The following ADAMTS19 variants were observed in gnomAD, a reference collection of about 807,000 sequenced individuals.
The protein encoded by ADAMTS19 is A disintegrin and metalloproteinase with thrombospondin motifs 19.
Under a neutral mutation model 153.3 loss-of-function variants are expected in ADAMTS19, and 93 were observed. That is an observed-to-expected ratio of 0.61 (90% CI 0.51 to 0.72). The LOEUF (loss-of-function observed/expected upper bound fraction) is 0.72, where lower values mean the gene tolerates loss of function less well. ADAMTS19 is among the 30% of genes least tolerant of loss of function. The pLI is 0.00. For synonymous variants in ADAMTS19, 600 were observed against 556.6 expected (o/e 1.08, Z -1.10); for missense variants, 1,482 against 1,552.1 (o/e 0.95, Z 0.76).
Position 129,621,276 on chromosome 5 carries a change from G to A in ADAMTS19, c.1619+518G>A, listed in dbSNP as rs116590829. On this transcript the variant is annotated intron_variant, in intron 9 of 22. Transcript: ENST00000274487. ...CGAAAAGTAAATGAAAAATATTACT[G>A]TTATTCTCATTTTCATTTTAAAGCA... Among the ~76,000 whole-genome samples, 532 of 152,124 alleles carry A rather than the reference G, an allele frequency of 3.5e-3. 2 individuals carry two copies. Among genetic ancestry groups the A allele is most frequent in the African/African-American group, 0.012 (511 of 41,510 alleles).
intron 6 of ADAMTS19, among the ~76,000 whole-genome samples, chr5:129,529,919 C>T (rs1321629153): frequency 6.6e-6 from 1 of 152,058 alleles, no homozygotes; most frequent in Admixed American, 6.6e-5. Flanking sequence ...AATCTTGTGA[C>T]ACCTTATCAA....
At chr5:129,558,361 A>G (rs919988362) in intron 7 of ADAMTS19, among the ~76,000 whole-genome samples, 5 of 152,230 alleles carry the variant, frequency 3.3e-5, no homozygotes, top group African/African-American at 1.2e-4. Flanking sequence ...GCAATAACCA[A>G]TTGCATTTTA....
At chr5:129,663,303 C>T (rs75154311) in intron 15 of ADAMTS19, among the ~76,000 whole-genome samples, 5,567 of 152,230 alleles carry the variant, frequency 0.037, 315 homozygotes, top group African/African-American at 0.13. Flanking sequence ...CACTTATTTC[C>T]ATGCCTTAAC....
chr5:129,508,396 C>A (rs1456262433), intron 2 of ADAMTS19, among the ~76,000 whole-genome samples: 1 of 151,886 alleles, frequency 6.6e-6, no homozygotes, highest in Non-Finnish European at 1.5e-5. Flanking sequence ...GGCTTAGCCT[C>A]AAAATATTAC....
intron 10 of ADAMTS19, among the ~76,000 whole-genome samples, chr5:129,632,354 TATATAG>T (rs1005604577): frequency 3.3e-5 from 5 of 151,960 alleles, no homozygotes; most frequent in Admixed American, 6.6e-5. Context: ...ATGATATATA[TATATAG>T]ATATAGATAT....
At chr5:129,647,133 G>T (rs1352410268) in intron 11 of ADAMTS19, among the ~76,000 whole-genome samples, 1 of 142,542 alleles carries the variant, frequency 7.0e-6, no homozygotes, top group Non-Finnish European at 1.5e-5. Flanking sequence ...TGAAATAACA[G>T]AATTTCAGCA....
chr5:129,579,572 G>T lies in ADAMTS19; in HGVS notation c.1373-16987G>T, dbSNP rs555233105. Among the ~76,000 whole-genome samples the T allele has an allele frequency of 5.3e-5, 8 of 152,228 alleles. No homozygotes were observed. In the South Asian group the frequency reaches 1.7e-3, roughly 32 times the overall value. ...TCTTCTAGGATTTTTATCATTTTAG[G>T]TCTTATGTTTAAGTCTTCAATCTAT... On this transcript the variant is annotated intron_variant, in intron 7 of 22. Coordinates refer to ENST00000274487, the MANE Select transcript of ADAMTS19 (RefSeq NM_133638.6).
At chr5:129,511,741 G>C (rs1364729613) in intron 3 of ADAMTS19, among the ~76,000 whole-genome samples, 2 of 151,796 alleles carry the variant, frequency 1.3e-5, no homozygotes, top group Admixed American at 1.3e-4. Flanking sequence ...TTCGGGATCA[G>C]ACTGCCTGTG....
At chr5:129,675,495 A>G (rs566277075) in intron 16 of ADAMTS19, among the ~76,000 whole-genome samples, 1 of 152,212 alleles carries the variant, frequency 6.6e-6, no homozygotes, top group East Asian at 1.9e-4. Context: ...CTTCAAGTTC[A>G]CAGACTTCTT....
chr5:129,608,562 T>C (rs1027828413), intron 8 of ADAMTS19, among the ~76,000 whole-genome samples: 9 of 152,108 alleles, frequency 5.9e-5, no homozygotes, highest in Non-Finnish European at 1.5e-5. Context: ...TGTGCAGTAG[T>C]ATATCTGCTC....
At chr5:129,702,380 C>T (rs893416995) in intron 20 of ADAMTS19, among the ~76,000 whole-genome samples, 4 of 152,106 alleles carry the variant, frequency 2.6e-5, no homozygotes, top group Non-Finnish European at 5.9e-5. Flanking sequence ...AACACACCTA[C>T]ACACATAAAA....
In ADAMTS19 at chr5:129,586,233, C is replaced by G. The variant is rs568214670; in HGVS notation, c.1373-10326C>G. On this transcript the variant is annotated intron_variant, in intron 7 of 22. Transcript: ENST00000274487. ...GAATTCAGTCTTGGTATTTTAAATT[C>G]TATGGGTTTAGACAAATGCATAATA... Among the ~76,000 whole-genome samples, 31 of 152,272 alleles carry G rather than the reference C, an allele frequency of 2.0e-4. No homozygotes were observed. The Middle Eastern group carries it at 0.01, about 50-fold the overall frequency.
At position 129,588,608 on chromosome 5, in the gene ADAMTS19, CAT is replaced by C. The variant is rs1182578861; in HGVS notation, c.1373-7946_1373-7945del. 7.9e-5 allele frequency among the ~76,000 whole-genome samples: 12 copies of C among 151,880 alleles called. No individual in the cohort carries two copies. In the East Asian group the frequency reaches 1.4e-3, roughly 17 times the overall value. ...GTTTGAGATGAAATTGCAACATACA[CAT>C]ATATTAAATACTATCAAATACTTCT... On this transcript the variant is annotated intron_variant, in intron 7 of 22. Transcript: ENST00000274487.
At chr5:129,475,491 T>G (rs1381372772) in intron 2 of ADAMTS19, among the ~76,000 whole-genome samples, 2 of 152,234 alleles carry the variant, frequency 1.3e-5, no homozygotes, top group African/African-American at 4.8e-5. Context: ...TAATATTTTT[T>G]GAATTTGGGA....
chr5:129,552,709 TAATA>T (rs1310368736), intron 7 of ADAMTS19, among the ~76,000 whole-genome samples: 3 of 151,630 alleles, frequency 2.0e-5, no homozygotes, highest in African/African-American at 4.9e-5. Flanking sequence ...ATAAAGTGAA[TAATA>T]AATAAAAGGG....
intron 21 of ADAMTS19, among the ~76,000 whole-genome samples, chr5:129,734,617 T>C (rs1189098729): frequency 6.6e-6 from 1 of 152,012 alleles, no homozygotes. Context: ...TGGAAAGCTG[T>C]CTGCTCAAGC....
intron 2 of ADAMTS19, among the ~76,000 whole-genome samples, chr5:129,462,892 AAT>A (rs1749731175): frequency 6.6e-6 from 1 of 152,188 alleles, no homozygotes; most frequent in African/African-American, 2.4e-5. Flanking sequence ...ATTTGGAGAA[AAT>A]CCAACAGCAG....
At chr5:129,560,717 T>A (rs1448856359) in intron 7 of ADAMTS19, among the ~76,000 whole-genome samples, 2 of 152,258 alleles carry the variant, frequency 1.3e-5, no homozygotes, top group East Asian at 3.8e-4. Flanking sequence ...GTACTTTATG[T>A]ATGTATTTTT....
In ADAMTS19 at chr5:129,737,328, AAATT is replaced by A; in HGVS notation, c.*115_*118del. On this transcript the variant is annotated 3_prime_UTR_variant, in exon 23 of 23. Coordinates refer to ENST00000274487, the MANE Select transcript of ADAMTS19 (RefSeq NM_133638.6). ...TTATCAGATTACATATAATTTAATC[AAATT>A]AATTTATTTTTTTGCCTGCCAAACA... 8.6e-7 allele frequency: 1 copy of A among 1,159,302 alleles called. No individual in the cohort carries two copies. The allele number at this position is 1,159,302 out of a possible 1,614,324, so 71.8% of individuals were successfully genotyped here. A position where few individuals can be genotyped will look rare whatever the true frequency, so the allele number is the denominator to read the frequency against.
Sources: allele counts gnomAD v4.1 joint callset (sites outside exome capture counted in the v4.1 genomes callset), GRCh38; gene constraint gnomAD v4.1.1; transcripts MANE v1.5; gene names NCBI Gene and HGNC (gene_info 2026-07-23, HGNC 2026-07-21).